Variants in MPHOSPH8 observed in about 807,000 individuals in gnomAD.
MPHOSPH8 encodes the protein M-phase phosphoprotein 8.
MPHOSPH8 carries 45 observed loss-of-function variants against 87.3 expected under a neutral mutation model. The observed-to-expected ratio is 0.52, with a 90% CI of 0.41 to 0.66. The LOEUF is 0.66. Among genes scored for constraint, MPHOSPH8 ranks in the 30% least tolerant of loss-of-function variants. MPHOSPH8 has a pLI of 0.00. For synonymous variants in MPHOSPH8, 366 were observed against 376.9 expected, an observed-to-expected ratio of 0.97 and a Z score of 0.33; for missense variants, 883 against 1,020.2, an observed-to-expected ratio of 0.87 and a Z score of 1.83.
intron 7 of MPHOSPH8, among the ~76,000 whole-genome samples, chr13:19,659,491 CCAA>C (rs1386019966): frequency 2.4e-4 from 36 of 151,994 alleles, no homozygotes. Flanking sequence ...TGGTGAAACC[CCAA>C]CTCTACAAAA....
rs1443999375 is a variant in MPHOSPH8 at position 19,646,579 on chromosome 13, A to G, written c.506A>G (p.Lys169Arg). ...QREEKSPDDL[K>R]KKKAKAGKLK... ...GAAGAGAAAAGCCCAGATGATCTGA[A>G]AAAGAAAAAAGCAAAGGCCGGGAAG... is the stretch of plus-strand genomic sequence containing the variant. The change falls in exon 3 of 14, where the codon AAA becomes AGA. Residue 169 changes from lysine (K) to arginine (R), a missense_variant. This residue lies in a region of MPHOSPH8 where 741 missense variants were observed against 841.5 expected (regional missense o/e 0.88). Transcript: ENST00000361479. 1.9e-6 allele frequency: 3 copies of G among 1,584,098 alleles called. No individual in the cohort carries two copies. Among genetic ancestry groups the G allele is most frequent in the Non-Finnish European group, 2.6e-6 (3 of 1,173,236 alleles).
At chr13:19,653,276 T>TA (rs1874961307) in intron 5 of MPHOSPH8, among the ~76,000 whole-genome samples, 1 of 152,218 alleles carries the variant, frequency 6.6e-6, no homozygotes, top group Non-Finnish European at 1.5e-5. Flanking sequence ...CCGCTGGTGA[T>TA]ACCCAGGCAA....
intron 5 of MPHOSPH8, among the ~76,000 whole-genome samples, chr13:19,654,980 C>T (rs1194084627): frequency 1.3e-5 from 2 of 151,918 alleles, no homozygotes; most frequent in East Asian, 3.9e-4. Flanking sequence ...AGGCCAAGCT[C>T]ACTAAACGAA....
Position 19,633,663 on chromosome 13 carries a change from TG to T in MPHOSPH8, c.-84del. The T allele has an allele frequency of 7.0e-7, 1 of 1,420,392 alleles. No homozygotes were observed. Among genetic ancestry groups the T allele is most frequent in the Non-Finnish European group, 9.7e-7 (1 of 1,031,356 alleles). 88.0% of individuals were successfully genotyped at this position (1,420,392 alleles called of 1,614,324 possible). On this transcript the variant is annotated 5_prime_UTR_variant, in exon 1 of 14. The change creates a premature stop within an existing upstream ORF in the 5' untranslated region. Coordinates refer to ENST00000361479, the MANE Select transcript of MPHOSPH8 (RefSeq NM_017520.4). The stretch of plus-strand genomic sequence containing the variant: ...GTCGGCTTCCGTTACGCCGCTGATG[TG>T]GAGTAGGGCCGAGCGCGGAACGCGA...
chr13:19,662,221 G>A (rs547874401), intron 8 of MPHOSPH8, among the ~76,000 whole-genome samples: 86 of 152,252 alleles, frequency 5.6e-4, no homozygotes, highest in African/African-American at 2.0e-3. Context: ...TTACAGGCGT[G>A]AGCCACCGCG....
chr13:19,650,465 A>T (rs1193368044), intron 5 of MPHOSPH8: 2 of 515,618 alleles, frequency 3.9e-6, no homozygotes, highest in Non-Finnish European at 6.5e-6. Context: ...CTGAGTTCCT[A>T]TAATGTTCTC....
Position 19,649,990 on chromosome 13 carries a change from A to G in MPHOSPH8, c.1319-13A>G. 6.5e-7 allele frequency: 1 copy of G among 1,545,378 alleles called. No homozygotes were observed. The highest frequency in any genetic ancestry group is 2.3e-5 in the East Asian group (1 of 44,394). ...GACTCATACTTAACCATCTATTTTA[A>G]TTTTTTCGTTAGCACTTAAGGAAAT... On this transcript the variant is annotated splice_polypyrimidine_tract_variant and intron_variant, in intron 4 of 13. Transcript: ENST00000361479.
At position 19,646,950 on chromosome 13, in the gene MPHOSPH8, A is replaced by G. The variant is rs1326040829; in HGVS notation, c.877A>G (p.Thr293Ala). 2 of 1,592,792 alleles carry G rather than the reference A, an allele frequency of 1.3e-6. No homozygotes were observed. Among genetic ancestry groups the G allele is most frequent in the Non-Finnish European group, 1.7e-6 (2 of 1,174,924 alleles). The change falls in exon 3 of 14, where the codon ACT becomes GCT. Residue 293 changes from threonine to alanine, a missense_variant. By Grantham distance (58) the Thr-to-Ala change is moderately conservative. Around this residue, in one of 3 missense-constraint regions of MPHOSPH8, gnomAD observed 741 missense variants for 841.5 expected, o/e 0.88. Transcript: ENST00000361479. The stretch of plus-strand genomic sequence containing the variant: ...CGACAGCAGAGAAGAGAAACAAAAC[A>G]CTAAAAGTGCAAGAGAGAGAGCAGG... ...HSDSREEKQN[T>A]KSARERAGQD...
rs762856981 is a variant in MPHOSPH8 at position 19,633,808 on chromosome 13, C to T, written c.60C>T (p.Ser20=). The change falls in exon 1 of 14, where the codon AGC becomes AGT. Residue 20 remains serine, a synonymous_variant. Transcript: ENST00000361479. ...CAGTCCCTGTGTCAGCTGCCGACAG[C>T]ACTGAGGAGTTGGCCGAAGTCGAAG... is the stretch of plus-strand genomic sequence containing the variant. The part of the protein sequence containing the change: ...VTAVPVSAAD[S]TEELAEVEEG... The T allele has an allele frequency of 4.3e-6, 7 of 1,609,656 alleles. No homozygotes were observed. The African/African-American group carries it at 9.3e-5, about 21-fold the overall frequency.
In MPHOSPH8 at chr13:19,672,068, A is replaced by G. The variant is rs1162866519; in HGVS notation, c.*193A>G. The G allele has an allele frequency of 8.2e-6, 5 of 607,772 alleles. No individual in the cohort carries two copies. The highest frequency in any genetic ancestry group is 5.5e-5 in the African/African-American group (3 of 54,294). 37.6% of individuals were successfully genotyped at this position (607,772 alleles called of 1,614,324 possible). On this transcript the variant is annotated 3_prime_UTR_variant, in exon 14 of 14. Transcript: ENST00000361479. ...TGCCAGTATGCCGGAATCTCAGTGCAGTGTCCAGACTGCGTATTTCAGTTT... is the reference window on the plus strand; with the variant it reads ...TGCCAGTATGCCGGAATCTCAGTGCGGTGTCCAGACTGCGTATTTCAGTTT...
chr13:19,668,576 ACTATAT>A, intron 11 of MPHOSPH8, 45 bp downstream of exon 11: 1 of 1,538,706 alleles, frequency 6.5e-7, no homozygotes, highest in African/African-American at 1.4e-5. Context: ...GAAGTGTGAC[ACTATAT>A]TAACAGATTT....
At chr13:19,634,635 G>A (rs1407082893) in intron 1 of MPHOSPH8, among the ~76,000 whole-genome samples, 6 of 152,114 alleles carry the variant, frequency 3.9e-5, no homozygotes, top group Admixed American at 2.6e-4. Context: ...CTCTGGGAAA[G>A]CTTTTTTTGA....
Position 19,673,230 on chromosome 13 carries a change from C to CT in MPHOSPH8, c.*1357dup, listed in dbSNP as rs1395930690. ...CCACCCTCTCTGGGAAGAGTTCCTG[C>CT]TTCTGTATGGCAAGCATAAATCAAG... is the stretch of plus-strand genomic sequence containing the variant. On this transcript the variant is annotated 3_prime_UTR_variant, in exon 14 of 14. Coordinates refer to ENST00000361479, the MANE Select transcript of MPHOSPH8 (RefSeq NM_017520.4). 1 of 422,106 alleles carries CT rather than the reference C, an allele frequency of 2.4e-6. No individual in the cohort carries two copies. The highest frequency in any genetic ancestry group is 2.1e-5 in the African/African-American group (1 of 47,684). The allele number at this position is 422,106 out of a possible 1,614,324, so 26.1% of individuals were successfully genotyped here. A position where few individuals can be genotyped will look rare whatever the true frequency, so the allele number is the denominator to read the frequency against.
chr13:19,667,693 CACTG>C (rs1359173073), intron 10 of MPHOSPH8, among the ~76,000 whole-genome samples: 19 of 152,184 alleles, frequency 1.2e-4, no homozygotes, highest in African/African-American at 4.1e-4. Context: ...TTCTGTTTAG[CACTG>C]ACTAATATTC....
intron 2 of MPHOSPH8, among the ~76,000 whole-genome samples, chr13:19,646,001 C>G (rs947377293): frequency 4.6e-5 from 7 of 152,112 alleles, no homozygotes; most frequent in African/African-American, 1.7e-4. Context: ...ACATAACTGT[C>G]AAACGTAGGA....
intron 1 of MPHOSPH8, among the ~76,000 whole-genome samples, chr13:19,635,878 G>A (rs536566527): frequency 6.6e-6 from 1 of 152,148 alleles, no homozygotes; most frequent in Non-Finnish European, 1.5e-5. Context: ...AGGTAGGATC[G>A]TGGGAGTGGT....
chr13:19,643,242 TTTTC>T (rs1874390085), intron 2 of MPHOSPH8, among the ~76,000 whole-genome samples: 1 of 152,110 alleles, frequency 6.6e-6, no homozygotes, highest in Non-Finnish European at 1.5e-5. Flanking sequence ...GATTTTTTTC[TTTTC>T]TTCTCATTTA....
At chr13:19,670,076 G>A (rs971838885) in intron 11 of MPHOSPH8, among the ~76,000 whole-genome samples, 160 bp from the exon 12 acceptor site, 3 of 152,210 alleles carry the variant, frequency 2.0e-5, no homozygotes, top group Admixed American at 6.5e-5. Flanking sequence ...CAGGTGACAC[G>A]AGCTTTGAGA....
intron 12 of MPHOSPH8, among the ~76,000 whole-genome samples, chr13:19,670,644 G>A (rs1254888632): frequency 6.6e-6 from 1 of 152,076 alleles, no homozygotes; most frequent in Non-Finnish European, 1.5e-5. Flanking sequence ...AAGATTCTTT[G>A]TACATAATTA....
Sources: gnomAD v4.1 joint callset for allele counts (sites outside exome capture counted in the v4.1 genomes callset) on GRCh38, gnomAD v4.1.1 for gene constraint, gnomAD v4.1.1 regional missense constraint, MANE v1.5 for transcripts, NCBI Gene and HGNC (gene_info 2026-07-23, HGNC 2026-07-21) for gene names.